The following PCDHGB2 variants were observed in gnomAD, a reference collection of about 807,000 sequenced individuals.
The protein encoded by PCDHGB2 is protocadherin gamma subfamily B, 2.
A neutral mutation model predicts 59.3 loss-of-function variants in PCDHGB2; 55 were observed. That is an observed-to-expected ratio of 0.93 (90% CI 0.75 to 1.16). The LOEUF is 1.16. PCDHGB2 is among the 50% of genes most tolerant of loss of function. PCDHGB2 has a pLI of 0.00. For synonymous variants in PCDHGB2, 516 were observed against 512.0 expected (o/e 1.01, Z -0.11); for missense variants, 1,228 against 1,198.5 (o/e 1.02, Z -0.36).
Position 141,477,827 on chromosome 5 carries a change from C to T in PCDHGB2, c.2422-16980C>T, listed in dbSNP as rs2099419143. On this transcript the variant is annotated intron_variant, in intron 1 of 3. Coordinates refer to ENST00000522605, the MANE Select transcript of PCDHGB2 (RefSeq NM_018923.3). The surrounding 1 kb of genome is among the most constrained non-coding windows in gnomAD (Gnocchi z 4.9). ...CAATGCCCCCCAGGTCCTATATCCT[C>T]GGCCAGGTGGGAGCTCGGTGGAGAT... The T allele has an allele frequency of 1.2e-6, 2 of 1,614,038 alleles. No individual in the cohort carries two copies. Among genetic ancestry groups the T allele is most frequent in the African/African-American group, 1.3e-5 (1 of 74,928 alleles).
chr5:141,458,567 TTTTG>T (rs144471304), intron 1 of PCDHGB2, among the ~76,000 whole-genome samples: 42,006 of 151,504 alleles, frequency 0.28, 6,493 homozygotes, highest in African/African-American at 0.43. Context: ...GGTTTTGGGT[TTTTG>T]TTTGTTTGTT....
intron 1 of PCDHGB2, among the ~76,000 whole-genome samples, chr5:141,475,007 G>A (rs1017671344): frequency 2.0e-5 from 3 of 152,178 alleles, no homozygotes; most frequent in East Asian, 1.9e-4. Flanking sequence ...ATGCAGAAAA[G>A]TTAAGGCTCT....
chr5:141,488,186 G>T (rs1005725656), intron 1 of PCDHGB2, among the ~76,000 whole-genome samples: 2 of 152,180 alleles, frequency 1.3e-5, no homozygotes, highest in South Asian at 2.1e-4. Context: ...AGATCTTTTG[G>T]TCTGGGTCTT....
At chr5:141,464,227 T>C (rs539811399) in intron 1 of PCDHGB2, among the ~76,000 whole-genome samples, 58 of 147,282 alleles carry the variant, frequency 3.9e-4, no homozygotes, top group Admixed American at 2.5e-3. Flanking sequence ...ATTGCGCCAC[T>C]GCACTCCAGC....
At chr5:141,421,993 A>G in intron 1 of PCDHGB2, 1 of 1,609,190 alleles carries the variant, frequency 6.2e-7, no homozygotes, top group South Asian at 1.1e-5. Flanking sequence ...TCCAGAAAAC[A>G]TCAGCTCCGG....
intron 1 of PCDHGB2, chr5:141,399,804 G>A (rs1191609127): frequency 2.5e-6 from 4 of 1,613,224 alleles, no homozygotes; most frequent in East Asian, 2.2e-5. Flanking sequence ...CGCGGGTGCT[G>A]TACCCCGCGC....
chr5:141,375,920 G>A, intron 1 of PCDHGB2: 1 of 1,613,748 alleles, frequency 6.2e-7, no homozygotes, highest in Admixed American at 1.7e-5. Flanking sequence ...CAAGGCCAGC[G>A]AGCCAGGACT....
At chr5:141,461,989 A>G (rs2099028358) in intron 1 of PCDHGB2, among the ~76,000 whole-genome samples, 1 of 152,074 alleles carries the variant, frequency 6.6e-6, no homozygotes, top group African/African-American at 2.4e-5. Flanking sequence ...ACGCCAGGCT[A>G]ATTTTGTATT....
At chr5:141,447,280 C>T (rs2098533193) in intron 1 of PCDHGB2, among the ~76,000 whole-genome samples, 1 of 152,172 alleles carries the variant, frequency 6.6e-6, no homozygotes, top group Non-Finnish European at 1.5e-5. Context: ...GCTGGGACTA[C>T]AGGCACATGC....
At chr5:141,456,647 C>G (rs773458307) in intron 1 of PCDHGB2, among the ~76,000 whole-genome samples, 2 of 152,152 alleles carry the variant, frequency 1.3e-5, no homozygotes, top group African/African-American at 4.8e-5. Context: ...AGGTGTTAAT[C>G]CCAAAGAAGC....
At chr5:141,388,424 G>A (rs77505166) in intron 1 of PCDHGB2, 76,970 of 1,613,794 alleles carry the variant, frequency 0.048, 2,026 homozygotes, top group South Asian at 0.077. Context: ...ATTTCTCACT[G>A]ATAAATAAAG....
intron 1 of PCDHGB2, chr5:141,384,715 T>C: frequency 6.2e-7 from 1 of 1,614,088 alleles, no homozygotes. Flanking sequence ...CTGGCTGTCA[T>C]ACCTCCTGCT....
In PCDHGB2 at chr5:141,463,438, C is replaced by CTTT. The variant is rs71576115; in HGVS notation, c.2422-31343_2422-31341dup. ...GTTTGCGGATCCTCATTTCCTTCTC[C>CTTT]TTTTTTTTTTTTTTTTTTTTTTTTT... On this transcript the variant is annotated intron_variant, in intron 1 of 3. Coordinates refer to ENST00000522605, the MANE Select transcript of PCDHGB2 (RefSeq NM_018923.3). 5.0e-3 allele frequency among the ~76,000 whole-genome samples: 517 copies of CTTT among 103,248 alleles called. 61 individuals are homozygous for CTTT. The highest frequency in any genetic ancestry group is 0.017 in the African/African-American group (381 of 22,398). The allele number at this position is 103,248 out of a possible 152,430, so 67.7% of individuals were successfully genotyped here.
chr5:141,388,971 C>T (rs2091561776), intron 1 of PCDHGB2: 2 of 1,613,890 alleles, frequency 1.2e-6, no homozygotes, highest in South Asian at 2.2e-5. Flanking sequence ...GCTGGGAACA[C>T]ATATTGCTTT....
At position 141,404,057 on chromosome 5, in the gene PCDHGB2, T is replaced by G. The variant is rs558471539; in HGVS notation, c.2421+41501T>G. ...ACCTCAGGGAACAGTAATTCTTCTT[T>G]TCAATGCTCATGACCGAGACTCCGG... On this transcript the variant is annotated intron_variant, in intron 1 of 3. Coordinates refer to ENST00000522605, the MANE Select transcript of PCDHGB2 (RefSeq NM_018923.3). 9.5e-5 allele frequency: 154 copies of G among 1,613,894 alleles called. No individual in the cohort carries two copies. The East Asian group carries it at 3.4e-3, about 36-fold the overall frequency.
At position 141,476,580 on chromosome 5, in the gene PCDHGB2, C is replaced by T. The variant is rs1463314107; in HGVS notation, c.2422-18227C>T. 6 of 1,614,126 alleles carry T rather than the reference C, an allele frequency of 3.7e-6. No homozygotes were observed. Among genetic ancestry groups the T allele is most frequent in the Non-Finnish European group, 5.1e-6 (6 of 1,180,052 alleles). The stretch of plus-strand genomic sequence containing the variant: ...GCCGTGGCTCCGGGGACGCGCTTTC[C>T]GCTCGAGAGCGCGCACGATCCCGAT... On this transcript the variant is annotated intron_variant, in intron 1 of 3. Transcript: ENST00000522605. This position sits in a 1 kb window ranked among gnomAD's most constrained non-coding sequence, Gnocchi z 7.6.
At chr5:141,423,177 C>T (rs748689237) in intron 1 of PCDHGB2, 3 of 1,613,430 alleles carry the variant, frequency 1.9e-6, no homozygotes, top group Non-Finnish European at 2.5e-6. Context: ...TCCAGGACCA[C>T]GGCCAGCCCC....
chr5:141,390,234 G>A (rs1357417854), intron 1 of PCDHGB2: 15 of 1,614,046 alleles, frequency 9.3e-6, no homozygotes, highest in Non-Finnish European at 1.3e-5. Context: ...TGATTCATCT[G>A]GGGCCTTATT....
At position 141,463,438 on chromosome 5, in the gene PCDHGB2, C is replaced by CTTTTT. The variant is rs71576115; in HGVS notation, c.2422-31345_2422-31341dup. On this transcript the variant is annotated intron_variant, in intron 1 of 3. Coordinates refer to ENST00000522605, the MANE Select transcript of PCDHGB2 (RefSeq NM_018923.3). ...GTTTGCGGATCCTCATTTCCTTCTC[C>CTTTTT]TTTTTTTTTTTTTTTTTTTTTTTTT... is the stretch of plus-strand genomic sequence containing the variant. 3.0e-4 allele frequency among the ~76,000 whole-genome samples: 31 copies of CTTTTT among 103,252 alleles called. 1 individual carries two copies. Among genetic ancestry groups the CTTTTT allele is most frequent in the African/African-American group, 1.2e-3 (26 of 22,402 alleles). The allele number at this position is 103,252 out of a possible 152,430, so 67.7% of individuals were successfully genotyped here.
Sources: gnomAD v4.1 joint callset for allele counts (sites outside exome capture counted in the v4.1 genomes callset) on GRCh38, gnomAD v4.1.1 for gene constraint, Gnocchi (gnomAD v3.1) non-coding constraint, MANE v1.5 for transcripts, NCBI Gene and HGNC (gene_info 2026-07-23, HGNC 2026-07-21) for gene names.